The following DCAF6 variants were observed in gnomAD, a reference collection of about 807,000 sequenced individuals.
DCAF6 encodes the protein DDB1- and CUL4-associated factor 6.
DCAF6 carries 54 observed loss-of-function variants against 125.1 expected under a neutral mutation model. The ratio of observed to expected loss-of-function variants is 0.43; its 90% CI spans 0.35 to 0.54. DCAF6 has a LOEUF of 0.54. Ranked by LOEUF, DCAF6 falls within the 20% of genes least tolerant of loss-of-function variation. The probability of loss-of-function intolerance (pLI) is 0.01; values close to 1 mark genes in which losing one functional copy is unlikely to be tolerated. For synonymous variants in DCAF6, 371 were observed against 390.4 expected (o/e 0.95, Z 0.58); for missense variants, 934 against 1,161.7 (o/e 0.80, Z 2.85).
chr1:167,883,752 A>C, the DCAF6 span: 1 of 844,758 alleles, frequency 1.2e-6, no homozygotes, highest in Non-Finnish European at 2.0e-6. Context: ...GAGGTACAAC[A>C]TGACAGAGCC....
chr1:168,066,309 C>T (rs2101980707), intron 19 of DCAF6, 68 bp from the exon 20 acceptor site: 4 of 964,046 alleles, frequency 4.1e-6, no homozygotes, highest in South Asian at 1.7e-5. Context: ...TACATATATG[C>T]ATAATATAAG....
At chr1:167,870,259 G>A in the DCAF6 span, 1 of 1,613,834 alleles carries the variant, frequency 6.2e-7, no homozygotes, top group Non-Finnish European at 8.5e-7. Context: ...ACACTCACCT[G>A]TGATTCTTAC....
At chr1:168,068,698 C>CT (rs1474641237) in intron 21 of DCAF6, among the ~76,000 whole-genome samples, 2 of 152,088 alleles carry the variant, frequency 1.3e-5, no homozygotes, top group African/African-American at 2.4e-5. Flanking sequence ...CGTAAAAACT[C>CT]TTATCAGCTG....
At chr1:167,925,454 T>TATATATATATATATATACATATAC in the DCAF6 span, among the ~76,000 whole-genome samples, 101 of 114,698 alleles carry the variant, frequency 8.8e-4, no homozygotes, top group Non-Finnish European at 1.6e-3. Context: ...TATATATATA[T>TATATATATATATATATACATATAC]ATATATATAT....
Position 167,951,797 on chromosome 1 carries a change from C to T in DCAF6, c.98-3C>T. On this transcript the variant is annotated splice_polypyrimidine_tract_variant and splice_region_variant and intron_variant, in intron 1 of 21. Coordinates refer to ENST00000367840, the MANE Select transcript of DCAF6 (RefSeq NM_001198956.2). ...ATTTAATTTGTTCTTTCTTTTTAAA[C>T]AGGAAGAAGAGAATTTATCCAAAGA... 6.4e-7 allele frequency: 1 copy of T among 1,564,994 alleles called. No homozygotes were observed. The highest frequency in any genetic ancestry group is 8.8e-7 in the Non-Finnish European group (1 of 1,136,802).
chr1:167,997,657 A>G (rs1487217780), intron 7 of DCAF6, among the ~76,000 whole-genome samples: 2 of 152,194 alleles, frequency 1.3e-5, no homozygotes, highest in Non-Finnish European at 2.9e-5. Flanking sequence ...AAAAAAATCA[A>G]TGAATGCTGT....
At chr1:168,036,520 A>G (rs1472935217) in intron 12 of DCAF6, among the ~76,000 whole-genome samples, 4 of 152,224 alleles carry the variant, frequency 2.6e-5, no homozygotes, top group African/African-American at 4.8e-5. Context: ...TCATCCAATC[A>G]TCCAATCTTT....
the DCAF6 span, among the ~76,000 whole-genome samples, chr1:167,930,502 G>C: frequency 1.3e-5 from 2 of 152,126 alleles, no homozygotes; most frequent in African/African-American, 4.8e-5. Context: ...ATAATTATAT[G>C]ACTTTCCCCA....
chr1:168,004,913 CAT>C, intron 10 of DCAF6, 120 bp downstream of exon 10: 1 of 1,144,394 alleles, frequency 8.7e-7, no homozygotes. Flanking sequence ...ATCAAAATGA[CAT>C]GTAATATATG....
At chr1:167,952,712 A>G (rs1209906628) in intron 2 of DCAF6, among the ~76,000 whole-genome samples, 1 of 151,922 alleles carries the variant, frequency 6.6e-6, no homozygotes, top group Non-Finnish European at 1.5e-5. Flanking sequence ...TCCAGCTCAA[A>G]ATGACCCTAT....
intron 10 of DCAF6, among the ~76,000 whole-genome samples, chr1:168,009,359 CT>C (rs1683870538): frequency 1.5e-5 from 2 of 135,354 alleles, no homozygotes; most frequent in Non-Finnish European, 3.1e-5. Flanking sequence ...TCCTTCCTTC[CT>C]TCCTTCCTTC....
At chr1:168,007,068 TC>T (rs1378454899) in intron 10 of DCAF6, among the ~76,000 whole-genome samples, 1 of 152,158 alleles carries the variant, frequency 6.6e-6, no homozygotes, top group Non-Finnish European at 1.5e-5. Flanking sequence ...CTTTAATACT[TC>T]CCTTCATCCC....
At chr1:167,941,741 AT>A (rs1448148545) in intron 1 of DCAF6, among the ~76,000 whole-genome samples, 3 of 151,958 alleles carry the variant, frequency 2.0e-5, no homozygotes, top group Admixed American at 6.6e-5. Flanking sequence ...GATTAAAAAA[AT>A]TTTTTTTTAA....
chr1:167,932,563 C>T (rs2102558411), upstream of DCAF6, among the ~76,000 whole-genome samples: 1 of 152,144 alleles, frequency 6.6e-6, no homozygotes, highest in East Asian at 1.9e-4. Context: ...AATCCCAGCA[C>T]TTTGGGAGGC....
At chr1:167,958,627 T>G (rs1448490949) in intron 2 of DCAF6, among the ~76,000 whole-genome samples, 11 of 152,170 alleles carry the variant, frequency 7.2e-5, no homozygotes, top group Admixed American at 7.2e-4. Flanking sequence ...ATAAGTAAAT[T>G]TACACAGTGA....
intron 12 of DCAF6, 29 bp downstream of exon 12, chr1:168,023,076 C>T (rs1422274249): frequency 6.8e-6 from 11 of 1,608,388 alleles, no homozygotes; most frequent in Non-Finnish European, 9.4e-6. Flanking sequence ...GCGCTATGCC[C>T]ATCCATCCAT....
rs1397771312 is a variant in DCAF6 at position 167,937,083 on chromosome 1, T to C, written c.97+75T>C. 6.0e-6 allele frequency: 8 copies of C among 1,328,124 alleles called. No individual in the cohort carries two copies. The Admixed American group carries it at 1.2e-4, about 20-fold the overall frequency. 82.3% of individuals were successfully genotyped at this position (1,328,124 alleles called of 1,614,324 possible). ...GGGAGGGGGCACGCTGCCGGGTCTG[T>C]TGGAGGTGGGACGGCGTCTCGGTGG... On this transcript the variant is annotated intron_variant, in intron 1 of 21. Transcript: ENST00000367840.
At chr1:167,911,869 T>C in the DCAF6 span, among the ~76,000 whole-genome samples, 1 of 152,196 alleles carries the variant, frequency 6.6e-6, no homozygotes, top group African/African-American at 2.4e-5. Context: ...CTTGGACAGA[T>C]TTTTCTGTTT....
intron 18 of DCAF6, 76 bp from the exon 19 acceptor site, chr1:168,065,510 TAAAA>T: frequency 2.8e-6 from 3 of 1,057,944 alleles, no homozygotes; most frequent in South Asian, 3.6e-5. Context: ...TTAAAACAAA[TAAAA>T]AAATGTAAGA....
Sources: allele counts gnomAD v4.1 joint callset (sites outside exome capture counted in the v4.1 genomes callset), GRCh38; gene constraint gnomAD v4.1.1; transcripts MANE v1.5; gene names NCBI Gene and HGNC (gene_info 2026-07-23, HGNC 2026-07-21).